The following NAAA variants were observed in gnomAD, a reference collection of about 807,000 sequenced individuals.
NAAA encodes N-acylethanolamine acid amidase.
A neutral mutation model predicts 44.8 loss-of-function variants in NAAA; 39 were observed. The observed-to-expected ratio is 0.87, with a 90% CI of 0.67 to 1.14. The LOEUF is 1.14. Ranked by LOEUF, NAAA falls within the 50% of genes most tolerant of loss-of-function variation. The pLI, the probability that NAAA is intolerant of heterozygous loss-of-function variation, is 0.00. For missense variants in NAAA, 460 were observed against 467.8 expected (o/e 0.98, Z 0.15); for synonymous variants, 178 against 191.3 (o/e 0.93, Z 0.58).
intron 9 of NAAA, chr4:75,917,719 GC>G (rs1238428329): frequency 5.5e-6 from 2 of 366,916 alleles, no homozygotes; most frequent in Non-Finnish European, 1.1e-5. Context: ...ACCCGCCTTG[GC>G]CTCCCAAAGG....
chr4:75,927,148 A>G (rs972876265), intron 4 of NAAA, among the ~76,000 whole-genome samples: 1 of 152,162 alleles, frequency 6.6e-6, no homozygotes, highest in Non-Finnish European at 1.5e-5. Flanking sequence ...ATGCCACCTC[A>G]CACCCATTAA....
intron 6 of NAAA, 30 bp from the exon 7 acceptor site, chr4:75,920,830 C>G (rs776417626): frequency 1.9e-6 from 3 of 1,614,130 alleles, no homozygotes; most frequent in Non-Finnish European, 2.5e-6. Flanking sequence ...CTTGTCTTAT[C>G]CAAGGCAATT....
intron 3 of NAAA, among the ~76,000 whole-genome samples, chr4:75,932,375 A>G (rs1727303390): frequency 6.6e-6 from 1 of 152,280 alleles, no homozygotes; most frequent in Admixed American, 6.5e-5. Flanking sequence ...ATATTTAAAA[A>G]TCCTTTAACA....
chr4:75,929,847 T>C (rs1291145668), intron 4 of NAAA, among the ~76,000 whole-genome samples: 2 of 152,120 alleles, frequency 1.3e-5, no homozygotes, highest in South Asian at 2.1e-4. Context: ...CCCAGCACTT[T>C]GGGAGGCCGA....
chr4:75,927,644 C>T (rs920053115), intron 4 of NAAA, among the ~76,000 whole-genome samples: 15 of 114,108 alleles, frequency 1.3e-4, no homozygotes, highest in Admixed American at 2.8e-4. Flanking sequence ...CCCCCCCCCC[C>T]CCCGCCAAAA....
intron 1 of NAAA, 85 bp downstream of exon 1, chr4:75,940,659 G>T: frequency 7.1e-7 from 1 of 1,406,806 alleles, no homozygotes; most frequent in Non-Finnish European, 9.5e-7. Context: ...AAGCGTCCCC[G>T]TTTAAAGCAC....
rs1448595173 is a variant in NAAA, at chr4:75,940,920, C to G, written c.30G>C (p.Pro10=). The G allele has an allele frequency of 1.3e-6, 2 of 1,505,122 alleles. No individual in the cohort carries two copies. The highest frequency in any genetic ancestry group is 1.8e-6 in the Non-Finnish European group (2 of 1,135,566). The allele number at this position is 1,505,122 out of a possible 1,614,324, so 93.2% of individuals were successfully genotyped here. MRTADREAR[P]GLPSLLLLLL... is the part of the protein sequence containing the mutation. The stretch of plus-strand genomic sequence containing the variant: ...GCAGCAGCAGCAGGGACGGAAGCCC[C>G]GGGCGCGCCTCCCGGTCCGCGGTCC... Residue 10 remains proline (P), a synonymous_variant, in exon 1 of 11, where the codon CCG becomes CCC. Coordinates refer to ENST00000286733, the MANE Select transcript of NAAA (RefSeq NM_014435.4).
At chr4:75,915,294 A>G (rs1725534332) in intron 9 of NAAA, among the ~76,000 whole-genome samples, 1 of 152,140 alleles carries the variant, frequency 6.6e-6, no homozygotes, top group Non-Finnish European at 1.5e-5. Context: ...GGTTGCACTG[A>G]GCTGAGATTG....
intron 5 of NAAA, among the ~76,000 whole-genome samples, chr4:75,923,435 A>AG (rs1362269351): frequency 6.6e-6 from 1 of 152,186 alleles, no homozygotes; most frequent in East Asian, 1.9e-4. Flanking sequence ...AACATAGACA[A>AG]GCAAGCTGGA....
At chr4:75,924,815 C>T (rs569092457) in intron 5 of NAAA, among the ~76,000 whole-genome samples, 2 of 152,130 alleles carry the variant, frequency 1.3e-5, no homozygotes, top group African/African-American at 2.4e-5. Flanking sequence ...TATAAAGACT[C>T]GAACAAATAC....
Position 75,914,135 on chromosome 4 carries a change from A to G in NAAA, c.*240T>C, listed in dbSNP as rs1725453562. 2 of 985,748 alleles carry G rather than the reference A, an allele frequency of 2.0e-6. No individual in the cohort carries two copies. The highest frequency in any genetic ancestry group is 3.5e-5 in the African/African-American group (2 of 57,360). 61.1% of individuals were successfully genotyped at this position (985,748 alleles called of 1,614,324 possible). A position where few individuals can be genotyped will look rare whatever the true frequency, so the allele number is the denominator to read the frequency against. ...CAGGATAGAAGCTTAGAGAGGATCG[A>G]GGCAAACCATGAAGGGAAGGGAATG... On this transcript the variant is annotated 3_prime_UTR_variant, in exon 11 of 11. Coordinates refer to ENST00000286733, the MANE Select transcript of NAAA (RefSeq NM_014435.4).
downstream of NAAA, among the ~76,000 whole-genome samples, chr4:75,912,902 G>A (rs748423556): frequency 3.9e-5 from 6 of 152,126 alleles, no homozygotes; most frequent in South Asian, 2.1e-4. Flanking sequence ...AAAATTAAAC[G>A]GTATTTATAC....
At chr4:75,929,827 C>T (rs1032071270) in intron 4 of NAAA, among the ~76,000 whole-genome samples, 2 of 152,150 alleles carry the variant, frequency 1.3e-5, no homozygotes, top group Non-Finnish European at 2.9e-5. Flanking sequence ...TGGTGGTTCA[C>T]GCCTGTAATC....
At chr4:75,927,545 G>C (rs914946860) in intron 4 of NAAA, among the ~76,000 whole-genome samples, 1 of 151,072 alleles carries the variant, frequency 6.6e-6, no homozygotes, top group Non-Finnish European at 1.5e-5. Context: ...CAGGAGGACT[G>C]CGTGAGCTCA....
At chr4:75,917,613 G>C (rs1725745006) in intron 9 of NAAA, 2 of 216,198 alleles carry the variant, frequency 9.3e-6, no homozygotes, top group African/African-American at 4.7e-5. Flanking sequence ...TAACAGGCGT[G>C]CACCGTCATG....
chr4:75,926,050 T>C (rs1726653857), intron 4 of NAAA, among the ~76,000 whole-genome samples: 1 of 142,072 alleles, frequency 7.0e-6, no homozygotes, highest in South Asian at 2.5e-4. Flanking sequence ...AGGAAGAACA[T>C]AGAGAACTTG....
chr4:75,940,959 T>A lies in NAAA; in HGVS notation c.-10A>T. The A allele has an allele frequency of 6.8e-7, 1 of 1,469,816 alleles. No homozygotes were observed. The highest frequency in any genetic ancestry group is 8.9e-7 in the Non-Finnish European group (1 of 1,120,336). 91.0% of individuals were successfully genotyped at this position (1,469,816 alleles called of 1,614,324 possible). On this transcript the variant is annotated 5_prime_UTR_variant, in exon 1 of 11. Coordinates refer to ENST00000286733, the MANE Select transcript of NAAA (RefSeq NM_014435.4). ...GGTCCGCGGTCCGCATGGCTCGGGC[T>A]CCAGCGGCCGCAACTTGGAGACCTG... is the stretch of plus-strand genomic sequence containing the variant.
chr4:75,923,024 T>C (rs948861319), intron 5 of NAAA, among the ~76,000 whole-genome samples: 15 of 151,706 alleles, frequency 9.9e-5, no homozygotes, highest in African/African-American at 3.6e-4. Context: ...GGAGTTTCTT[T>C]CTTCTTCCTT....
chr4:75,920,626 A>G (rs1371250461), intron 7 of NAAA, 112 bp downstream of exon 7: 13 of 1,351,384 alleles, frequency 9.6e-6, no homozygotes, highest in Non-Finnish European at 1.1e-5. Context: ...GCTCAGGTAC[A>G]TTTTCTGGGA....
Sources: allele counts gnomAD v4.1 joint callset (sites outside exome capture counted in the v4.1 genomes callset), GRCh38; gene constraint gnomAD v4.1.1; transcripts MANE v1.5; gene names NCBI Gene and HGNC (gene_info 2026-07-23, HGNC 2026-07-21).